PRIMPOL: variants seen among roughly 807,000 people sequenced by gnomAD.
PRIMPOL encodes DNA-directed primase/polymerase protein.
PRIMPOL carries 54 observed loss-of-function variants against 63.6 expected under a neutral mutation model. The ratio of observed to expected loss-of-function variants is 0.85; its 90% CI spans 0.68 to 1.07. PRIMPOL has a LOEUF of 1.07. PRIMPOL is among the 50% of genes least tolerant of loss of function. PRIMPOL has a pLI of 0.00. For missense variants in PRIMPOL, 610 were observed against 648.3 expected (o/e 0.94, Z 0.64); for synonymous variants, 197 against 220.2 (o/e 0.89, Z 0.93).
At chr4:184,651,809 C>T (rs1233253837) in intron 1 of PRIMPOL, among the ~76,000 whole-genome samples, 2 of 152,134 alleles carry the variant, frequency 1.3e-5, no homozygotes, top group African/African-American at 2.4e-5. Flanking sequence ...CCACTAGGCC[C>T]AGCTAATTTT....
At chr4:184,659,856 T>C (rs935426750) in intron 4 of PRIMPOL, among the ~76,000 whole-genome samples, 3 of 152,224 alleles carry the variant, frequency 2.0e-5, no homozygotes, top group Non-Finnish European at 2.9e-5. Context: ...GTTTTACTCT[T>C]GTTGCCCAGA....
At chr4:184,689,734 G>A (rs1250879094) in intron 11 of PRIMPOL, among the ~76,000 whole-genome samples, 8 of 151,988 alleles carry the variant, frequency 5.3e-5, no homozygotes, top group African/African-American at 1.7e-4. Context: ...GATTACAGGC[G>A]CGAGCCACCA....
intron 3 of PRIMPOL, among the ~76,000 whole-genome samples, chr4:184,657,815 G>A (rs919256291): frequency 2.0e-5 from 3 of 151,792 alleles, no homozygotes; most frequent in Non-Finnish European, 4.4e-5. Context: ...CCAACATGGA[G>A]AAACCCTGTC....
At chr4:184,657,675 C>T (rs1746842260) in intron 3 of PRIMPOL, 1 of 163,762 alleles carries the variant, frequency 6.1e-6, no homozygotes, top group African/African-American at 2.4e-5. Context: ...AAGTGTCAGC[C>T]TTTCAAAGAA....
chr4:184,678,135 T>C, intron 7 of PRIMPOL, 97 bp from the exon 8 acceptor site: 1 of 677,404 alleles, frequency 1.5e-6, no homozygotes, highest in Non-Finnish European at 2.3e-6. Flanking sequence ...AAAATAATTA[T>C]TTTTTATTAA....
Position 184,672,328 on chromosome 4 carries a change from G to C in PRIMPOL, c.712G>C (p.Ala238Pro). 6.2e-7 allele frequency: 1 copy of C among 1,614,178 alleles called. No individual in the cohort carries two copies. The highest frequency in any genetic ancestry group is 8.5e-7 in the Non-Finnish European group (1 of 1,180,036). ...TTTCAATAAAATGTTCACAGAAAAG[G>C]CTACAGAGGAAAGCTGGACATCGAA... Reference protein sequence around the residue: ...FSFNKMFTEKATEESWTSNSK... With the variant: ...FSFNKMFTEKPTEESWTSNSK... The change falls in exon 7 of 14, where the codon GCT becomes CCT. Residue 238 changes from alanine to proline, a missense_variant. Ala to Pro is a conservative substitution (Grantham distance 27). This residue lies in a region of PRIMPOL where 444 missense variants were observed against 456.4 expected (regional missense o/e 0.97). Transcript: ENST00000314970.
At chr4:184,651,097 G>C (rs1418970187) in intron 1 of PRIMPOL, among the ~76,000 whole-genome samples, 2 of 152,044 alleles carry the variant, frequency 1.3e-5, no homozygotes, top group East Asian at 3.9e-4. Flanking sequence ...AGACCAGCCT[G>C]GTCAAGATGG....
At chr4:184,689,992 G>A (rs1363876218) in intron 11 of PRIMPOL, among the ~76,000 whole-genome samples, 1 of 152,168 alleles carries the variant, frequency 6.6e-6, no homozygotes, top group Admixed American at 6.5e-5. Flanking sequence ...TGGGAGGCCT[G>A]TTACTAGAAT....
intron 7 of PRIMPOL, among the ~76,000 whole-genome samples, chr4:184,673,204 A>G (rs1378117280): frequency 6.8e-6 from 1 of 147,708 alleles, no homozygotes; most frequent in Non-Finnish European, 1.5e-5. Context: ...ATCTCAGCTC[A>G]CTGCAAGCTC....
chr4:184,682,745 C>A (rs1020846645), intron 9 of PRIMPOL, among the ~76,000 whole-genome samples: 3 of 152,156 alleles, frequency 2.0e-5, no homozygotes, highest in South Asian at 2.1e-4. Flanking sequence ...TTCATAATCA[C>A]TGACCTTTCA....
chr4:184,672,313 A>G lies in PRIMPOL; in HGVS notation c.697A>G (p.Met233Val). 10 of 1,614,158 alleles carry G rather than the reference A, an allele frequency of 6.2e-6. No homozygotes were observed. The highest frequency in any genetic ancestry group is 8.5e-6 in the Non-Finnish European group (10 of 1,180,040). ...PARQGFSFNKMFTEKATEESW... is the reference protein window; with the variant it reads ...PARQGFSFNKVFTEKATEESW... ...AAGACAAGGATTTTCTTTCAATAAA[A>G]TGTTCACAGAAAAGGCTACAGAGGA... The change falls in exon 7 of 14, where the codon ATG becomes GTG. Residue 233 changes from methionine to valine, a missense_variant. Transcript: ENST00000314970.
At chr4:184,692,619 TTTTC>T (rs1417984994) in intron 13 of PRIMPOL, among the ~76,000 whole-genome samples, 1 of 134,434 alleles carries the variant, frequency 7.4e-6, no homozygotes, top group African/African-American at 4.0e-5. Context: ...TGTATGCTCA[TTTTC>T]TTTTTTTTTG....
intron 7 of PRIMPOL, among the ~76,000 whole-genome samples, chr4:184,672,802 A>G (rs1204302669): frequency 6.6e-6 from 1 of 152,150 alleles, no homozygotes; most frequent in Non-Finnish European, 1.5e-5. Context: ...AATTTAAAAA[A>G]CAGACTCGGT....
intron 13 of PRIMPOL, among the ~76,000 whole-genome samples, chr4:184,693,771 CTCTT>C (rs1299888732): frequency 6.7e-6 from 1 of 150,146 alleles, no homozygotes; most frequent in African/African-American, 2.5e-5. Flanking sequence ...TTTGATGACT[CTCTT>C]AAACTGCAGA....
rs201549332 is a variant in PRIMPOL at position 184,666,661 on chromosome 4, T to C, written c.556+597T>C. Among the ~76,000 whole-genome samples the C allele has an allele frequency of 6.0e-4, 91 of 152,362 alleles. 1 individual carries two copies. Among genetic ancestry groups the C allele is most frequent in the African/African-American group, 2.1e-3 (89 of 41,596 alleles). On this transcript the variant is annotated intron_variant, in intron 6 of 13. Coordinates refer to ENST00000314970, the MANE Select transcript of PRIMPOL (RefSeq NM_152683.4). ...TGATTTATTTCAGTTTCCTGGAAAG[T>C]GCATGAGAGGCCTTTCCATTTCAAG...
chr4:184,685,411 G>T lies in PRIMPOL; in HGVS notation c.1099G>T (p.Glu367Ter). Reference sequence around the variant, plus strand: ...ATAAACCATTCTCTCTGTTGCAGTAGAAACCATTGAAGGTTTTCAGTGTTC... The same window carrying T: ...ATAAACCATTCTCTCTGTTGCAGTATAAACCATTGAAGGTTTTCAGTGTTC... ...GYFNSIGTSV[E>*]TIEGFQCSPY... Residue 367 changes from glutamate to a stop codon, truncating the protein, a stop_gained and splice_region_variant, in exon 10 of 14, where the codon GAA (glutamate) becomes TAA (stop). Transcript: ENST00000314970. LOFTEE classifies it high-confidence loss of function. 1 of 1,601,828 alleles carries T rather than the reference G, an allele frequency of 6.2e-7. No individual in the cohort carries two copies. The highest frequency in any genetic ancestry group is 1.3e-5 in the African/African-American group (1 of 74,780).
At chr4:184,651,577 C>T (rs576161384) in intron 1 of PRIMPOL, among the ~76,000 whole-genome samples, 9 of 152,204 alleles carry the variant, frequency 5.9e-5, no homozygotes, top group Non-Finnish European at 1.0e-4. Flanking sequence ...CTGTGCTAAA[C>T]TTTCTTGCCA....
chr4:184,659,461 C>T, intron 4 of PRIMPOL, 24 bp downstream of exon 4: 1 of 1,483,910 alleles, frequency 6.7e-7, no homozygotes, highest in Non-Finnish European at 9.4e-7. Context: ...AGCAGAACCA[C>T]ACATTAAGCT....
chr4:184,656,230 T>C (rs1438485647), intron 2 of PRIMPOL, among the ~76,000 whole-genome samples: 1 of 152,108 alleles, frequency 6.6e-6, no homozygotes, highest in Non-Finnish European at 1.5e-5. Context: ...AAACCTCTGC[T>C]TGCTTCACTT....
Sources: gnomAD v4.1 joint callset for allele counts (sites outside exome capture counted in the v4.1 genomes callset) on GRCh38, gnomAD v4.1.1 for gene constraint, gnomAD v4.1.1 regional missense constraint, MANE v1.5 for transcripts, NCBI Gene and HGNC (gene_info 2026-07-23, HGNC 2026-07-21) for gene names.